The following AFF3 variants were observed in gnomAD, a reference collection of about 807,000 sequenced individuals.
The protein encoded by AFF3 is ALF transcription elongation factor 3.
In AFF3, 32 loss-of-function variants were observed where a neutral mutation model predicts 129.7. The ratio of observed to expected loss-of-function variants is 0.25; its 90% CI spans 0.19 to 0.33. The LOEUF (loss-of-function observed/expected upper bound fraction) is 0.33. AFF3 is among the 10% of genes least tolerant of loss of function. The pLI, the probability that AFF3 is intolerant of heterozygous loss-of-function variation, is 1.00. For synonymous variants in AFF3, 644 were observed against 635.4 expected (o/e 1.01, Z -0.20); for missense variants, 1,373 against 1,592.0 (o/e 0.86, Z 2.34).
intron 4 of AFF3, among the ~76,000 whole-genome samples, chr2:100,022,091 A>G (rs1683640221): frequency 6.6e-6 from 1 of 152,208 alleles, no homozygotes; most frequent in African/African-American, 2.4e-5. Flanking sequence ...CCACAGTTCT[A>G]TAATTCATTC....
At chr2:99,950,461 A>G (rs1676045744) in intron 7 of AFF3, among the ~76,000 whole-genome samples, 1 of 152,226 alleles carries the variant, frequency 6.6e-6, no homozygotes, top group Non-Finnish European at 1.5e-5. Flanking sequence ...AAAGGCATAT[A>G]AAGTCACTGT....
intron 10 of AFF3, among the ~76,000 whole-genome samples, chr2:99,736,555 G>A (rs1680273066): frequency 1.3e-5 from 2 of 150,670 alleles, no homozygotes; most frequent in Non-Finnish European, 3.0e-5. Context: ...AAATCAATTT[G>A]GTCAATATTT....
At chr2:99,947,750 C>T (rs72819148) in intron 7 of AFF3, among the ~76,000 whole-genome samples, 14,178 of 151,986 alleles carry the variant, frequency 0.093, 910 homozygotes, top group Non-Finnish European at 0.13. Context: ...GGAGATCAGA[C>T]GGAGGCATTC....
At chr2:100,082,790 A>G (rs1245211063) in intron 4 of AFF3, among the ~76,000 whole-genome samples, 3 of 152,154 alleles carry the variant, frequency 2.0e-5, no homozygotes, top group Non-Finnish European at 2.9e-5. Flanking sequence ...TTCCTATAAA[A>G]TGGCTCTTGG....
At chr2:99,661,017 C>T (rs894061449) in intron 12 of AFF3, among the ~76,000 whole-genome samples, 1 of 152,176 alleles carries the variant, frequency 6.6e-6, no homozygotes, top group Non-Finnish European at 1.5e-5. Flanking sequence ...TATATCTGGA[C>T]CAAACACCTG....
At chr2:100,046,055 A>T (rs926628916) in intron 4 of AFF3, among the ~76,000 whole-genome samples, 5 of 152,174 alleles carry the variant, frequency 3.3e-5, no homozygotes, top group Non-Finnish European at 7.4e-5. Flanking sequence ...CCTGAGTTCC[A>T]AGAATAGTCT....
chr2:99,555,143 T>C (rs114609242), intron 22 of AFF3, among the ~76,000 whole-genome samples: 8 of 152,340 alleles, frequency 5.3e-5, no homozygotes, highest in Non-Finnish European at 1.0e-4. Flanking sequence ...AGCCTGGGTT[T>C]TTATGTACAA....
Position 99,593,450 on chromosome 2 carries a change from C to T in AFF3, c.2211G>A (p.Glu737=), listed in dbSNP as rs1678937273. 4 of 1,614,048 alleles carry T rather than the reference C, an allele frequency of 2.5e-6. No homozygotes were observed. Among genetic ancestry groups the T allele is most frequent in the Non-Finnish European group, 3.4e-6 (4 of 1,180,022 alleles). Residue 737 remains glutamate (E), a synonymous_variant, in exon 15 of 25, where the codon GAG becomes GAA. Transcript: ENST00000672756. ...NARTTSDIAK[E]LEEQFYTLVP... ...CCAGTGTGTAGAACTGCTCCTCCAG[C>T]TCCTTGGCGATGTCACTGGTGGTCC...
intron 8 of AFF3, among the ~76,000 whole-genome samples, chr2:99,760,364 G>A (rs1466448637): frequency 1.3e-5 from 2 of 152,118 alleles, no homozygotes; most frequent in Admixed American, 6.5e-5. Flanking sequence ...TGGAGAAAAT[G>A]TCCCTAAGTT....
chr2:99,961,448 G>A (rs1485677942), intron 7 of AFF3, among the ~76,000 whole-genome samples: 1 of 152,162 alleles, frequency 6.6e-6, no homozygotes. Flanking sequence ...ATTTTGCCTT[G>A]AGACATCTGC....
intron 7 of AFF3, among the ~76,000 whole-genome samples, chr2:99,930,862 T>A (rs1261850534): frequency 1.3e-5 from 2 of 152,216 alleles, no homozygotes; most frequent in Non-Finnish European, 2.9e-5. Flanking sequence ...TCCATTTCTA[T>A]GAGGCTCTAA....
intron 4 of AFF3, among the ~76,000 whole-genome samples, chr2:100,016,437 GAT>G (rs1683078469): frequency 8.7e-6 from 1 of 115,014 alleles, no homozygotes; most frequent in Admixed American, 8.0e-5. Context: ...CAGTGGTGGT[GAT>G]GTGGTGGTGG....
At chr2:100,047,778 C>G (rs1323324433) in intron 4 of AFF3, among the ~76,000 whole-genome samples, 1 of 152,196 alleles carries the variant, frequency 6.6e-6, no homozygotes, top group Non-Finnish European at 1.5e-5. Context: ...AGCTACAAAG[C>G]TGTTTCCTCT....
intron 7 of AFF3, among the ~76,000 whole-genome samples, chr2:99,920,728 A>G (rs1695802821): frequency 6.6e-6 from 1 of 152,040 alleles, no homozygotes; most frequent in Admixed American, 6.6e-5. Flanking sequence ...AAAAAGGTGT[A>G]CAGATTGGAA....
chr2:100,025,329 A>G (rs1441407893), intron 4 of AFF3, among the ~76,000 whole-genome samples: 1 of 152,208 alleles, frequency 6.6e-6, no homozygotes, highest in African/African-American at 2.4e-5. Flanking sequence ...ATACTTAGGA[A>G]TATACCTAAC....
At chr2:99,661,761 T>C (rs10182731) in intron 12 of AFF3, among the ~76,000 whole-genome samples, 85,311 of 152,122 alleles carry the variant, frequency 0.56, 24,622 homozygotes, top group African/African-American at 0.7. Flanking sequence ...ATGCTTGTGC[T>C]TTTTGCAAAT....
intron 19 of AFF3, among the ~76,000 whole-genome samples, chr2:99,568,572 T>C (rs1021835464): frequency 1.3e-5 from 2 of 152,058 alleles, no homozygotes; most frequent in Admixed American, 6.5e-5. Flanking sequence ...GAAAAAAAAA[T>C]ACTACCGCCC....
intron 12 of AFF3, among the ~76,000 whole-genome samples, chr2:99,670,157 C>CTGTCTT: frequency 6.6e-6 from 1 of 152,156 alleles, no homozygotes; most frequent in Non-Finnish European, 1.5e-5. Flanking sequence ...CCGCTGTGCT[C>CTGTCTT]TTAACCACTA....
intron 7 of AFF3, among the ~76,000 whole-genome samples, chr2:99,985,482 G>A (rs1248763719): frequency 1.3e-5 from 2 of 152,104 alleles, no homozygotes; most frequent in African/African-American, 4.8e-5. Context: ...CCTTTTTAAA[G>A]GTAAATTGGT....
Sources: gnomAD v4.1 joint callset for allele counts (sites outside exome capture counted in the v4.1 genomes callset) on GRCh38, gnomAD v4.1.1 for gene constraint, MANE v1.5 for transcripts, NCBI Gene and HGNC (gene_info 2026-07-23, HGNC 2026-07-21) for gene names.